LRRK1: variants seen among roughly 807,000 people sequenced by gnomAD.
LRRK1 encodes leucine-rich repeat serine/threonine-protein kinase 1.
A neutral mutation model predicts 209.1 loss-of-function variants in LRRK1; 113 were observed. The ratio of observed to expected loss-of-function variants is 0.54; its 90% CI spans 0.46 to 0.63. The LOEUF (loss-of-function observed/expected upper bound fraction) is 0.63. LRRK1 is among the 30% of genes least tolerant of loss of function. LRRK1 has a pLI of 0.00. For missense variants in LRRK1, 2,284 were observed against 2,632.2 expected (o/e 0.87, Z 2.89); for synonymous variants, 1,144 against 1,099.7 (o/e 1.04, Z -0.80).
At chr15:101,010,037 G>A (rs1484039730) in intron 7 of LRRK1, among the ~76,000 whole-genome samples, 1 of 152,226 alleles carries the variant, frequency 6.6e-6, no homozygotes, top group African/African-American at 2.4e-5. Flanking sequence ...TCCCAAGTGA[G>A]AACGGGAAAG....
In LRRK1 at chr15:101,009,437, A is replaced by T. The variant is rs573871666; in HGVS notation, c.989+374A>T. Among the ~76,000 whole-genome samples, 12 of 152,276 alleles carry T rather than the reference A, an allele frequency of 7.9e-5. No individual in the cohort carries two copies. In the South Asian group the frequency reaches 2.5e-3, roughly 32 times the overall value. On this transcript the variant is annotated intron_variant, in intron 7 of 33. Transcript: ENST00000388948. The stretch of plus-strand genomic sequence containing the variant: ...AGGGAAAGTGGGAAGGGCCTCAGAG[A>T]AAGGGTTAACTCTGCAGGACTCTGG...
At chr15:101,061,137 C>T (rs558881716) in intron 29 of LRRK1, 34 bp from the exon 30 acceptor site, 16 of 1,533,598 alleles carry the variant, frequency 1.0e-5, no homozygotes, top group East Asian at 4.5e-5. Flanking sequence ...CCCTGGCCCC[C>T]GGGCACTGAC....
intron 13 of LRRK1, 87 bp from the exon 14 acceptor site, chr15:101,021,758 C>A: frequency 1.1e-6 from 1 of 936,672 alleles, no homozygotes; most frequent in Non-Finnish European, 1.7e-6. Context: ...CAGAGGCTGA[C>A]AGGAGCCACG....
chr15:101,025,018 G>A (rs1458791204), intron 16 of LRRK1, 51 bp downstream of exon 16: 2 of 1,562,834 alleles, frequency 1.3e-6, no homozygotes, highest in South Asian at 1.1e-5. Context: ...GAGCTTTGCA[G>A]GTCCCACCGC....
chr15:100,928,524 C>T (rs911147578), intron 2 of LRRK1, among the ~76,000 whole-genome samples: 1 of 152,148 alleles, frequency 6.6e-6, no homozygotes, highest in African/African-American at 2.4e-5. Context: ...GGAAAACTAA[C>T]GACACTCAAA....
rs2036919639 is a variant in LRRK1 at position 101,074,686 on chromosome 15, T to C, written c.*5838T>C. 6.6e-6 allele frequency: 1 copy of C among 151,946 alleles called. No homozygotes were observed. Among genetic ancestry groups the C allele is most frequent in the East Asian group, 1.9e-4 (1 of 5,166 alleles). 9.4% of individuals were successfully genotyped at this position (151,946 alleles called of 1,614,324 possible). On this transcript the variant is annotated 3_prime_UTR_variant, in exon 34 of 34. Coordinates refer to ENST00000388948, the MANE Select transcript of LRRK1 (RefSeq NM_024652.6). ...CAAGGTGTACAATAATAGAAAAAAG[T>C]TGCAATTCCTTGCCTCCACTGTGAG...
chr15:100,989,462 C>A (rs753246967), intron 6 of LRRK1, 64 bp downstream of exon 6: 3 of 1,522,260 alleles, frequency 2.0e-6, no homozygotes, highest in Non-Finnish European at 9.1e-7. Context: ...CAGAATCCTG[C>A]AGACTGGGTA....
At chr15:100,999,005 A>T (rs921163311) in intron 6 of LRRK1, among the ~76,000 whole-genome samples, 1 of 152,210 alleles carries the variant, frequency 6.6e-6, no homozygotes, top group Non-Finnish European at 1.5e-5. Context: ...TACTTTGCCA[A>T]ACATTGTATT....
At chr15:101,067,754 G>T (rs766442849) in intron 33 of LRRK1, among the ~76,000 whole-genome samples, 2 of 152,174 alleles carry the variant, frequency 1.3e-5, no homozygotes, top group Admixed American at 6.5e-5. Flanking sequence ...AGAGCCTGTG[G>T]GTAGAAGCCT....
intron 19 of LRRK1, 35 bp from the exon 20 acceptor site, chr15:101,028,921 T>C: frequency 6.2e-7 from 1 of 1,607,100 alleles, no homozygotes; most frequent in Non-Finnish European, 8.5e-7. Context: ...CTCCTTTGTC[T>C]AACTGCTGCT....
chr15:101,014,961 G>C (rs1285038951), intron 11 of LRRK1, among the ~76,000 whole-genome samples: 1 of 152,200 alleles, frequency 6.6e-6, no homozygotes, highest in East Asian at 1.9e-4. Flanking sequence ...CTGTTCAAAA[G>C]TCTCTGCTGA....
In LRRK1 at chr15:101,073,024, C is replaced by T; in HGVS notation, c.*4176C>T. 1 of 184,950 alleles carries T rather than the reference C, an allele frequency of 5.4e-6. No homozygotes were observed. Among genetic ancestry groups the T allele is most frequent in the Non-Finnish European group, 1.1e-5 (1 of 92,300 alleles). 11.5% of individuals were successfully genotyped at this position (184,950 alleles called of 1,614,324 possible). On this transcript the variant is annotated 3_prime_UTR_variant, in exon 34 of 34. Transcript: ENST00000388948. Reference sequence around the variant, plus strand: ...TGCTCTTTGGTCCATGAGAAAGATCCACCTACAACCTCAAGTCCTCAGACC... The same window carrying T: ...TGCTCTTTGGTCCATGAGAAAGATCTACCTACAACCTCAAGTCCTCAGACC...
At chr15:100,937,494 A>C (rs1801421952) in intron 2 of LRRK1, among the ~76,000 whole-genome samples, 1 of 146,318 alleles carries the variant, frequency 6.8e-6, no homozygotes, top group Admixed American at 6.7e-5. Flanking sequence ...TTTGTCTTAG[A>C]TTTCTTTTTT....
intron 10 of LRRK1, 55 bp downstream of exon 10, chr15:101,012,200 C>T (rs145437761): frequency 1.6e-4 from 227 of 1,443,208 alleles, no homozygotes; most frequent in East Asian, 1.5e-3. Flanking sequence ...AAAATTGCTC[C>T]GTGTTGCAGT....
At chr15:100,945,980 C>T (rs965585352) in intron 2 of LRRK1, among the ~76,000 whole-genome samples, 22 of 152,096 alleles carry the variant, frequency 1.4e-4, no homozygotes, top group Non-Finnish European at 2.1e-4. Context: ...AGAGGAAATA[C>T]GCTGCTTTTT....
chr15:100,969,523 T>C (rs1322950844), intron 2 of LRRK1, among the ~76,000 whole-genome samples: 2 of 152,176 alleles, frequency 1.3e-5, no homozygotes, highest in Non-Finnish European at 2.9e-5. Context: ...CAGGGGTACA[T>C]GAGCAGGATG....
chr15:101,074,307 C>G lies in LRRK1; in HGVS notation c.*5459C>G, dbSNP rs372125260. The G allele has an allele frequency of 2.0e-5, 3 of 152,294 alleles. No individual in the cohort carries two copies. The highest frequency in any genetic ancestry group is 1.9e-4 in the East Asian group (1 of 5,184). The allele number at this position is 152,294 out of a possible 1,614,324, so 9.4% of individuals were successfully genotyped here. The stretch of plus-strand genomic sequence containing the variant: ...TTTTATCACCTCCCCTCCTCACACC[C>G]GGTCCGGCTTACAGTTTCCTTCCGT... On this transcript the variant is annotated 3_prime_UTR_variant, in exon 34 of 34. Coordinates refer to ENST00000388948, the MANE Select transcript of LRRK1 (RefSeq NM_024652.6).
chr15:101,056,546 G>A (rs1458994165), intron 27 of LRRK1, among the ~76,000 whole-genome samples: 5 of 152,130 alleles, frequency 3.3e-5, no homozygotes, highest in Admixed American at 2.0e-4. Context: ...TGCAGGACAG[G>A]TGGTCGGATG....
Position 101,001,011 on chromosome 15 carries a change from T to C in LRRK1, c.763-7826T>C, listed in dbSNP as rs200747753. On this transcript the variant is annotated intron_variant, in intron 6 of 33. Transcript: ENST00000388948. ...TCATCCTCCCGTTTTCAATGCCTCC[T>C]TTCTCCTTAAGAGCTTGTCTCTACC... 2.6e-5 allele frequency among the ~76,000 whole-genome samples: 4 copies of C among 152,160 alleles called. No homozygotes were observed. The East Asian group carries it at 7.7e-4, about 29-fold the overall frequency.
Sources: allele counts gnomAD v4.1 joint callset (sites outside exome capture counted in the v4.1 genomes callset), GRCh38; gene constraint gnomAD v4.1.1; transcripts MANE v1.5; gene names NCBI Gene and HGNC (gene_info 2026-07-23, HGNC 2026-07-21).